Variants in C1QTNF9 observed in about 807,000 individuals in gnomAD.
The protein encoded by C1QTNF9 is C1q and TNF related 9.
In C1QTNF9, 6 loss-of-function variants were observed where a neutral mutation model predicts 10.1. The ratio of observed to expected loss-of-function variants is 0.59; its 90% CI spans 0.32 to 1.17. The LOEUF is 1.17. C1QTNF9 is among the 50% of genes most tolerant of loss of function. C1QTNF9 has a pLI of 0.04. For synonymous variants in C1QTNF9, 98 were observed against 163.5 expected (o/e 0.60, Z 3.06); for missense variants, 201 against 418.8 (o/e 0.48, Z 4.54).
intron 2 of C1QTNF9, 49 bp from the exon 3 acceptor site, chr13:24,318,769 A>G: frequency 6.2e-7 from 1 of 1,613,232 alleles, no homozygotes; most frequent in Non-Finnish European, 8.5e-7. Flanking sequence ...GGCCAGAAAA[A>G]TCAGAAATGG....
At chr13:24,321,889 T>G in exon 4 of C1QTNF9, 6 of 1,365,902 alleles carry the variant, frequency 4.4e-6, no homozygotes, top group Non-Finnish European at 5.8e-6. Context: ...AAGGTGAAAA[T>G]GGAAAAGTTA....
chr13:24,309,101 C>A (rs1877714895), upstream of C1QTNF9, among the ~76,000 whole-genome samples: 1 of 151,928 alleles, frequency 6.6e-6, no homozygotes, highest in Non-Finnish European at 1.5e-5. Context: ...TAACAGTTAG[C>A]AGCCTTCAGT....
intron 1 of C1QTNF9, among the ~76,000 whole-genome samples, chr13:24,310,793 T>C (rs1166769090): frequency 6.6e-6 from 1 of 150,556 alleles, no homozygotes; most frequent in African/African-American, 2.5e-5. Flanking sequence ...GCGCCTGTAG[T>C]CCCAGCTACG....
At chr13:24,313,072 A>G (rs1293883132) in intron 1 of C1QTNF9, among the ~76,000 whole-genome samples, 6 of 152,198 alleles carry the variant, frequency 3.9e-5, no homozygotes, top group Non-Finnish European at 8.8e-5. Flanking sequence ...GTTCGAGTCC[A>G]GCCTGGGCAA....
chr13:24,312,006 G>A (rs1439965836), intron 1 of C1QTNF9, among the ~76,000 whole-genome samples: 3 of 152,178 alleles, frequency 2.0e-5, no homozygotes, highest in Non-Finnish European at 4.4e-5. Context: ...CTGCAAGGGA[G>A]GCTAGGGAGT....
intron 1 of C1QTNF9, among the ~76,000 whole-genome samples, chr13:24,314,551 T>C (rs1877956494): frequency 6.6e-6 from 1 of 152,094 alleles, no homozygotes; most frequent in South Asian, 2.1e-4. Flanking sequence ...GGCGTGGTGG[T>C]GGCGCCTGTA....
At chr13:24,309,754 A>G (rs1265595303) in intron 1 of C1QTNF9, 138 bp downstream of exon 1, 2 of 152,202 alleles carry the variant, frequency 1.3e-5, no homozygotes, top group Non-Finnish European at 2.9e-5. Flanking sequence ...TTGGGTAGGA[A>G]AGGGGTAAGC....
At chr13:24,320,971 C>T (rs1436896241) in intron 3 of C1QTNF9, 25 bp from the exon 4 acceptor site, 3 of 1,570,760 alleles carry the variant, frequency 1.9e-6, no homozygotes, top group Non-Finnish European at 2.6e-6. Context: ...CAAGCTATCT[C>T]TTTATTTGCT....
chr13:24,315,093 A>G lies in C1QTNF9; in HGVS notation c.-22-889A>G, dbSNP rs561800218. On this transcript the variant is annotated intron_variant, in intron 1 of 3. Transcript: ENST00000332018. ...CCAGCTTAACCATCTTAAGGGCACA[A>G]TTCAGTGGCATTATGTACGTTCTCT... Among the ~76,000 whole-genome samples the G allele has an allele frequency of 3.9e-5, 6 of 152,346 alleles. No individual in the cohort carries two copies. In the South Asian group the frequency reaches 1.2e-3, roughly 32 times the overall value.
At chr13:24,308,203 G>A (rs183368628), upstream of C1QTNF9, among the ~76,000 whole-genome samples, 1 of 152,358 alleles carries the variant, frequency 6.6e-6, no homozygotes, top group East Asian at 1.9e-4. Flanking sequence ...TGCCCAGGTG[G>A]TCCTGTCTCA....
At chr13:24,313,030 G>A (rs759510402) in intron 1 of C1QTNF9, among the ~76,000 whole-genome samples, 7 of 151,560 alleles carry the variant, frequency 4.6e-5, no homozygotes, top group Non-Finnish European at 8.8e-5. Context: ...CTATTCAGAA[G>A]GCTGAGGCAG....
At chr13:24,321,644 T>A in exon 4 of C1QTNF9, 1 of 1,614,214 alleles carries the variant, frequency 6.2e-7, no homozygotes, top group Non-Finnish European at 8.5e-7. Context: ...GGCATTGTCC[T>A]GCAGCTGAAG....
In C1QTNF9 at chr13:24,310,446, C is replaced by T. The variant is rs568778360; in HGVS notation, c.-23+830C>T. Among the ~76,000 whole-genome samples, 300 of 151,834 alleles carry T rather than the reference C, an allele frequency of 2.0e-3. 1 individual carries two copies. The highest frequency in any genetic ancestry group is 3.7e-3 in the Admixed American group (56 of 15,246). ...GATTACAGGCATGAGCCACCACGCC[C>T]GGCCTATGATGGATCTTTTTAAGAG... On this transcript the variant is annotated intron_variant, in intron 1 of 3. Coordinates refer to ENST00000332018, the Ensembl canonical transcript of C1QTNF9.
chr13:24,314,851 A>G (rs1190743920), intron 1 of C1QTNF9, among the ~76,000 whole-genome samples: 1 of 132,322 alleles, frequency 7.6e-6, no homozygotes, highest in African/African-American at 2.8e-5. Context: ...TCCAAAAATT[A>G]TATATAAGGA....
At chr13:24,315,836 TG>T in intron 1 of C1QTNF9, 145 bp from the exon 2 acceptor site, 1 of 804,972 alleles carries the variant, frequency 1.2e-6, no homozygotes, top group South Asian at 1.9e-5. Context: ...CTTGCTCCCC[TG>T]CCCTGAGCCT....
intron 1 of C1QTNF9, among the ~76,000 whole-genome samples, chr13:24,313,347 T>C (rs1206594962): frequency 1.3e-5 from 2 of 152,246 alleles, no homozygotes; most frequent in African/African-American, 2.4e-5. Flanking sequence ...TTGGAGTTTA[T>C]CCTAACCTGA....
intron 2 of C1QTNF9, among the ~76,000 whole-genome samples, chr13:24,317,760 C>T (rs1593535169): frequency 6.6e-6 from 1 of 150,970 alleles, no homozygotes. Flanking sequence ...GCTCAGAGGC[C>T]ACCGCTCTAG....
intron 3 of C1QTNF9, 32 bp from the exon 4 acceptor site, chr13:24,320,964 G>A (rs4476017): frequency 0.032 from 48,575 of 1,497,314 alleles, 2,286 homozygotes; most frequent in African/African-American, 0.11. Flanking sequence ...TCTTTCACAA[G>A]CTATCTCTTT....
intron 1 of C1QTNF9, among the ~76,000 whole-genome samples, chr13:24,313,558 A>C (rs1877915446): frequency 1.3e-5 from 2 of 152,272 alleles, no homozygotes; most frequent in East Asian, 3.9e-4. Flanking sequence ...ACTCAACTCA[A>C]TTTCCTGGAA....
Sources: allele counts gnomAD v4.1 joint callset (sites outside exome capture counted in the v4.1 genomes callset), GRCh38; gene constraint gnomAD v4.1.1; transcripts MANE v1.5; gene names NCBI Gene and HGNC (gene_info 2026-07-23, HGNC 2026-07-21).